The following PCDHA2 variants were observed in gnomAD, a reference collection of about 807,000 sequenced individuals.
PCDHA2 encodes protocadherin alpha 2.
Under a neutral mutation model 66.0 loss-of-function variants are expected in PCDHA2, and 58 were observed. The observed-to-expected ratio is 0.88, with a 90% confidence interval of 0.71 to 1.09. The LOEUF (loss-of-function observed/expected upper bound fraction) is 1.09, where lower values mean the gene tolerates loss of function less well. PCDHA2 is among the 50% of genes least tolerant of loss of function. The pLI, the probability that PCDHA2 is intolerant of heterozygous loss-of-function variation, is 0.00. For synonymous variants in PCDHA2, 634 were observed against 554.0 expected, an observed-to-expected ratio of 1.14 and a Z score of -2.03; for missense variants, 1,267 against 1,242.3, an observed-to-expected ratio of 1.02 and a Z score of -0.30.
chr5:140,878,125 A>T (rs1286133298), intron 1 of PCDHA2: 1 of 214,326 alleles, frequency 4.7e-6, no homozygotes, highest in Non-Finnish European at 9.0e-6. Flanking sequence ...ATATTAGATT[A>T]AAAAGTGGCC....
chr5:140,856,851 C>A, intron 1 of PCDHA2: 1 of 1,593,160 alleles, frequency 6.3e-7, no homozygotes. Flanking sequence ...GCTTCTGATT[C>A]GGATGAAGGA....
chr5:140,834,540 G>C, intron 1 of PCDHA2: 1 of 1,614,082 alleles, frequency 6.2e-7, no homozygotes, highest in Non-Finnish European at 8.5e-7. Context: ...GCAGGACCTG[G>C]GGCTGGAGCT....
At chr5:140,844,536 C>T (rs945538914) in intron 1 of PCDHA2, among the ~76,000 whole-genome samples, 1 of 149,252 alleles carries the variant, frequency 6.7e-6, no homozygotes, top group South Asian at 2.1e-4. Flanking sequence ...AATCATTCAA[C>T]CCTTTGTTCA....
intron 1 of PCDHA2, among the ~76,000 whole-genome samples, chr5:140,894,254 A>G (rs566555133): frequency 6.6e-6 from 1 of 152,128 alleles, no homozygotes; most frequent in Admixed American, 6.5e-5. Flanking sequence ...TCTTTTCTTT[A>G]CAAGTGGTAG....
rs527638271 is a variant in PCDHA2, at chr5:140,882,967, G to A, written c.2388+85615G>A. 3.1e-4 allele frequency: 497 copies of A among 1,614,172 alleles called. 6 individuals are homozygous for A. In the South Asian group the frequency reaches 5.0e-3, roughly 16 times the overall value. On this transcript the variant is annotated intron_variant, in intron 1 of 3. Transcript: ENST00000526136. Reference sequence around the variant, plus strand: ...CAGTTCAGCTGCTCATCACGATTCTGGACGTGAATGACAACGCCCCGGAAT... The same window carrying A: ...CAGTTCAGCTGCTCATCACGATTCTAGACGTGAATGACAACGCCCCGGAAT...
chr5:140,808,037 G>C (rs1340097286), intron 1 of PCDHA2: 14 of 1,613,854 alleles, frequency 8.7e-6, no homozygotes, highest in Non-Finnish European at 1.1e-5. Flanking sequence ...ATTCTCAAAT[G>C]ATATTTCGCC....
intron 1 of PCDHA2, among the ~76,000 whole-genome samples, chr5:140,908,777 TCTC>T (rs2074149319): frequency 6.6e-6 from 1 of 152,144 alleles, no homozygotes; most frequent in African/African-American, 2.4e-5. Flanking sequence ...TGTAGAGTCT[TCTC>T]CTGTTCTGTA....
intron 1 of PCDHA2, among the ~76,000 whole-genome samples, chr5:140,899,663 C>T (rs1583349850): frequency 1.3e-5 from 2 of 152,176 alleles, no homozygotes; most frequent in African/African-American, 4.8e-5. Flanking sequence ...TGTCTCTGCC[C>T]GGCTTTGGTA....
At chr5:140,943,509 A>G (rs1053319828) in intron 1 of PCDHA2, among the ~76,000 whole-genome samples, 1 of 152,132 alleles carries the variant, frequency 6.6e-6, no homozygotes, top group East Asian at 1.9e-4. Flanking sequence ...GGTTCATGGA[A>G]ATGTTGAGTT....
chr5:140,962,370 T>G (rs1554225991), intron 1 of PCDHA2, among the ~76,000 whole-genome samples: 1 of 152,214 alleles, frequency 6.6e-6, no homozygotes, highest in South Asian at 2.1e-4. Flanking sequence ...GCTAGTTTGA[T>G]TTTATCTGTT....
In PCDHA2 at chr5:140,838,575, T is replaced by G. The variant is rs1333635354; in HGVS notation, c.2388+41223T>G. Among the ~76,000 whole-genome samples the G allele has an allele frequency of 2.6e-5, 4 of 152,148 alleles. No homozygotes were observed. In the East Asian group the frequency reaches 7.7e-4, roughly 29 times the overall value. The stretch of plus-strand genomic sequence containing the variant: ...TTCATCCAGTACTGTATTAGGGACA[T>G]TAATGAAACAATAACCGAATTGTCT... On this transcript the variant is annotated intron_variant, in intron 1 of 3. Coordinates refer to ENST00000526136, the MANE Select transcript of PCDHA2 (RefSeq NM_018905.3).
chr5:140,889,541 ATTTAC>A (rs1434823292), intron 1 of PCDHA2, among the ~76,000 whole-genome samples: 9 of 151,878 alleles, frequency 5.9e-5, no homozygotes, highest in African/African-American at 2.2e-4. Context: ...TTCCTGTCTA[ATTTAC>A]TTTTCTTCAG....
intron 1 of PCDHA2, among the ~76,000 whole-genome samples, chr5:140,894,207 A>G (rs962841413): frequency 3.9e-5 from 6 of 152,012 alleles, no homozygotes; most frequent in African/African-American, 1.4e-4. Flanking sequence ...ATGCTATTAT[A>G]TTCTCATTTT....
chr5:140,848,195 C>T lies in PCDHA2; in HGVS notation c.2388+50843C>T, dbSNP rs2150407031. ...GCAAGAGAAACGGGATCTTCTGTTT[C>T]AACAATCATTACTTAAGAAAAAATT... On this transcript the variant is annotated intron_variant, in intron 1 of 3. Transcript: ENST00000526136. 38 of 306,006 alleles carry T rather than the reference C, an allele frequency of 1.2e-4. 1 individual carries two copies. Among genetic ancestry groups the T allele is most frequent in the Admixed American group, 5.2e-4 (11 of 21,218 alleles). 19.0% of individuals were successfully genotyped at this position (306,006 alleles called of 1,614,324 possible).
At chr5:140,850,822 T>C (rs2150499747) in intron 1 of PCDHA2, 4 of 1,598,166 alleles carry the variant, frequency 2.5e-6, no homozygotes, top group Non-Finnish European at 3.4e-6. Flanking sequence ...AGCCCGGGCC[T>C]TTCTCCTTGT....
chr5:140,796,106 C>T lies in PCDHA2; in HGVS notation c.1142C>T (p.Thr381Met), dbSNP rs781833045. 6 of 1,614,214 alleles carry T rather than the reference C, an allele frequency of 3.7e-6. 1 individual carries two copies. In the South Asian group the frequency reaches 5.5e-5, roughly 15 times the overall value. ...LITVSDRDSG[T>M]NGHVTCSLTP... ...ACGGTGTCGGATCGCGACTCTGGTA[C>T]GAATGGACATGTCACCTGCTCCCTG... Residue 381 changes from threonine to methionine, a missense_variant, in exon 1 of 4, where the codon ACG becomes ATG. Coordinates refer to ENST00000526136, the MANE Select transcript of PCDHA2 (RefSeq NM_018905.3).
intron 1 of PCDHA2, chr5:140,807,540 A>T: frequency 6.2e-7 from 1 of 1,614,136 alleles, no homozygotes; most frequent in South Asian, 1.1e-5. Context: ...CAGGTTTTCC[A>T]TGTGGACGTG....
At position 140,968,542 on chromosome 5, in the gene PCDHA2, G is replaced by A. The variant is rs782474856; in HGVS notation, c.2389-10407G>A. On this transcript the variant is annotated intron_variant, in intron 1 of 3. Transcript: ENST00000526136. ...CAACCAACTCGTCAGCAGCCTTCGA[G>A]ATGGTGCCTCGAACTGCCCCTGCTG... is the stretch of plus-strand genomic sequence containing the variant. The A allele has an allele frequency of 1.1e-5, 18 of 1,614,204 alleles. 2 individuals are homozygous for A. In the South Asian group the frequency reaches 2.0e-4, roughly 18 times the overall value.
chr5:140,875,452 C>CA, intron 1 of PCDHA2: 1 of 1,592,570 alleles, frequency 6.3e-7, no homozygotes, highest in Non-Finnish European at 8.6e-7. Context: ...TGTCCCAACT[C>CA]AGAGGCCCTC....
Sources: gnomAD v4.1 joint callset for allele counts (sites outside exome capture counted in the v4.1 genomes callset) on GRCh38, gnomAD v4.1.1 for gene constraint, MANE v1.5 for transcripts, NCBI Gene and HGNC (gene_info 2026-07-23, HGNC 2026-07-21) for gene names.